C10orf90: variants seen among roughly 807,000 people sequenced by gnomAD.
The protein encoded by C10orf90 is (E2-independent) E3 ubiquitin-conjugating enzyme FATS.
A neutral mutation model predicts 62.5 loss-of-function variants in C10orf90; 56 were observed. The observed-to-expected ratio is 0.90, with a 90% CI of 0.72 to 1.12. The LOEUF (loss-of-function observed/expected upper bound fraction) is 1.12, where lower values mean the gene tolerates loss of function less well. C10orf90 is among the 50% of genes most tolerant of loss of function. The pLI is 0.00. For missense variants in C10orf90, 970 were observed against 880.4 expected (o/e 1.10, Z -1.29); for synonymous variants, 386 against 340.4 (o/e 1.13, Z -1.47).
chr10:126,655,770 G>A (rs1846380941), intron 1 of C10orf90, among the ~76,000 whole-genome samples: 1 of 150,244 alleles, frequency 6.7e-6, no homozygotes, highest in Non-Finnish European at 1.5e-5. Flanking sequence ...TAGCCCACTT[G>A]ACCCTTTAAC....
At chr10:126,446,710 T>G (rs1404324059) in intron 7 of C10orf90, among the ~76,000 whole-genome samples, 3 of 152,128 alleles carry the variant, frequency 2.0e-5, no homozygotes, top group African/African-American at 7.2e-5. Flanking sequence ...CTTGTAAAAG[T>G]AAGTACACAG....
intron 2 of C10orf90, among the ~76,000 whole-genome samples, chr10:126,527,211 T>C (rs1311461471): frequency 6.6e-6 from 1 of 152,214 alleles, no homozygotes; most frequent in Non-Finnish European, 1.5e-5. Context: ...TTCGCCAGCC[T>C]TCCTCACAGT....
intron 2 of C10orf90, among the ~76,000 whole-genome samples, chr10:126,530,252 A>C (rs1267673880): frequency 2.6e-5 from 4 of 152,184 alleles, no homozygotes; most frequent in Non-Finnish European, 5.9e-5. Flanking sequence ...ATAAGAATGG[A>C]AACAGAAAAT....
chr10:126,621,129 A>T (rs1845635834), intron 2 of C10orf90, among the ~76,000 whole-genome samples: 1 of 152,228 alleles, frequency 6.6e-6, no homozygotes, highest in Non-Finnish European at 1.5e-5. Flanking sequence ...TGCTATGAAC[A>T]TCTTCAAGTA....
At chr10:126,442,633 GTATATATATATATATATATATATATA>G (rs56368633) in intron 7 of C10orf90, among the ~76,000 whole-genome samples, 38 of 88,458 alleles carry the variant, frequency 4.3e-4, no homozygotes, top group Admixed American at 1.2e-3. Flanking sequence ...TTGTGTGTGT[GTATATATATATATATATATATATATA>G]TATATATATA....
Position 126,643,855 on chromosome 10 carries a change from G to A in C10orf90, c.313+2710C>T, listed in dbSNP as rs182154920. ...ACCCTTCTGATGAGCATGGAAACACGGGCTCTAGTCCTGAGCTAAACTCCC... is the reference window on the plus strand; with the variant it reads ...ACCCTTCTGATGAGCATGGAAACACAGGCTCTAGTCCTGAGCTAAACTCCC... On this transcript the variant is annotated intron_variant, in intron 2 of 9. Coordinates refer to ENST00000488181, the MANE Select transcript of C10orf90 (RefSeq NM_001350921.2). 2.1e-4 allele frequency among the ~76,000 whole-genome samples: 32 copies of A among 152,276 alleles called. No individual in the cohort carries two copies. The East Asian group carries it at 5.2e-3, about 25-fold the overall frequency.
At chr10:126,652,704 G>A (rs1846314887) in intron 1 of C10orf90, among the ~76,000 whole-genome samples, 1 of 152,214 alleles carries the variant, frequency 6.6e-6, no homozygotes, top group Non-Finnish European at 1.5e-5. Context: ...CATCAGCCAT[G>A]AGGGGAGAAT....
At position 126,447,681 on chromosome 10, in the gene C10orf90, C is replaced by T. The variant is rs79207603; in HGVS notation, c.2188+11359G>A. Among the ~76,000 whole-genome samples the T allele has an allele frequency of 0.02, 2,983 of 152,230 alleles. 237 individuals carry two copies. In the East Asian group the frequency reaches 0.29, roughly 15 times the overall value. ...TTAAACGATACATCCAAGCAAGTGG[C>T]TTTCACAGATATACACAGAGCATTC... is the stretch of plus-strand genomic sequence containing the variant. On this transcript the variant is annotated intron_variant, in intron 7 of 9. Transcript: ENST00000488181.
chr10:126,529,078 G>A (rs1864025729), intron 2 of C10orf90, among the ~76,000 whole-genome samples: 2 of 152,160 alleles, frequency 1.3e-5, no homozygotes, highest in African/African-American at 4.8e-5. Context: ...GAAAAATAAT[G>A]AGGTGAGACT....
Position 126,426,009 on chromosome 10 carries a change from A to G in C10orf90, c.2334T>C (p.Arg778=), listed in dbSNP as rs1857241115. The part of the protein sequence containing the change: ...KRVILQSNRL[R]AEVFKKQLLD... ...CCATTACCTTTTTGAAGACTTCGGC[A>G]CGGAGTCTGTTACTTTGTAAGATCA... The change falls in exon 9 of 10, where the codon CGT becomes CGC. Residue 778 remains arginine (R), a synonymous_variant. Transcript: ENST00000488181. 2 of 1,614,056 alleles carry G rather than the reference A, an allele frequency of 1.2e-6. No homozygotes were observed. Among genetic ancestry groups the G allele is most frequent in the Admixed American group, 3.3e-5 (2 of 60,006 alleles).
At chr10:126,547,852 G>GA (rs1325774763) in intron 2 of C10orf90, among the ~76,000 whole-genome samples, 2 of 151,784 alleles carry the variant, frequency 1.3e-5, no homozygotes, top group South Asian at 4.2e-4. Context: ...AAAATAGCCT[G>GA]AAAAAAAATT....
At chr10:126,571,310 G>C (rs183561566) in intron 2 of C10orf90, among the ~76,000 whole-genome samples, 1 of 152,148 alleles carries the variant, frequency 6.6e-6, no homozygotes, top group South Asian at 2.1e-4. Flanking sequence ...CAGGCCAAAG[G>C]GCAGGTGAGA....
intron 4 of C10orf90, among the ~76,000 whole-genome samples, chr10:126,474,339 A>T (rs2133778491): frequency 6.6e-6 from 1 of 152,288 alleles, no homozygotes; most frequent in East Asian, 1.9e-4. Context: ...CTCACTCAGG[A>T]TTACATCAAC....
At chr10:126,572,796 G>T (rs902708211) in intron 2 of C10orf90, among the ~76,000 whole-genome samples, 6 of 151,986 alleles carry the variant, frequency 3.9e-5, no homozygotes, top group Non-Finnish European at 5.9e-5. Flanking sequence ...GAGTTGCTAT[G>T]GTTCACATGC....
intron 4 of C10orf90, among the ~76,000 whole-genome samples, chr10:126,490,013 TTATATATA>T (rs1861648721): frequency 8.1e-5 from 6 of 74,330 alleles, no homozygotes; most frequent in East Asian, 7.4e-4. Flanking sequence ...ATTATATATA[TTATATATA>T]ATATATAATA....
At chr10:126,650,508 G>A (rs1370161511) in intron 1 of C10orf90, among the ~76,000 whole-genome samples, 2 of 152,100 alleles carry the variant, frequency 1.3e-5, no homozygotes, top group Non-Finnish European at 2.9e-5. Context: ...TGGAAAGTGA[G>A]GCACAAAGAG....
intron 2 of C10orf90, among the ~76,000 whole-genome samples, chr10:126,543,607 A>C (rs1864424575): frequency 6.6e-6 from 1 of 152,204 alleles, no homozygotes; most frequent in Admixed American, 6.5e-5. Flanking sequence ...CCATTCCCTG[A>C]GACCAAGCCA....
intron 1 of C10orf90, among the ~76,000 whole-genome samples, chr10:126,656,075 T>C (rs561575088): frequency 4.6e-5 from 7 of 152,234 alleles, no homozygotes; most frequent in South Asian, 2.1e-4. Context: ...TATTGAACAC[T>C]AGCAAAATTT....
At position 126,504,621 on chromosome 10, in the gene C10orf90, AAAAG is replaced by A; in HGVS notation, c.866_869del (p.Ser289LeufsTer15). ...TGTTTCTGGAGAACTCTGTGCAGGC[AAAAG>A]ATCTCTGATGCCGACCTGGATGGGC... is the stretch of plus-strand genomic sequence containing the variant. On this transcript the variant is annotated frameshift_variant, in exon 4 of 10. Transcript: ENST00000488181. LOFTEE classifies it high-confidence loss of function. The surrounding 1 kb of genome is among the most constrained non-coding windows in gnomAD (Gnocchi z 4.1). 1 of 1,614,242 alleles carries A rather than the reference AAAAG, an allele frequency of 6.2e-7. No individual in the cohort carries two copies. Among genetic ancestry groups the A allele is most frequent in the East Asian group, 2.2e-5 (1 of 44,878 alleles).
Sources: allele counts gnomAD v4.1 joint callset (sites outside exome capture counted in the v4.1 genomes callset), GRCh38; gene constraint gnomAD v4.1.1; non-coding constraint Gnocchi (gnomAD v3.1); transcripts MANE v1.5; gene names NCBI Gene and HGNC (gene_info 2026-07-23, HGNC 2026-07-21).